CSMD1: variants seen among roughly 807,000 people sequenced by gnomAD.
CSMD1 encodes the protein CUB and Sushi multiple domains 1.
A neutral mutation model predicts 417.5 loss-of-function variants in CSMD1; 213 were observed. The observed-to-expected ratio is 0.51, with a 90% CI of 0.46 to 0.57. The LOEUF (loss-of-function observed/expected upper bound fraction) is 0.57. Among genes scored for constraint, CSMD1 ranks in the 20% least tolerant of loss-of-function variants. The probability of loss-of-function intolerance (pLI) is 0.00; values close to 1 mark genes in which losing one functional copy is unlikely to be tolerated. For missense variants in CSMD1, 6,923 were observed against 4,529.7 expected, an observed-to-expected ratio of 1.53 and a Z score of -15.17; for synonymous variants, 2,862 against 1,736.8, an observed-to-expected ratio of 1.65 and a Z score of -16.11.
At chr8:3,377,153 C>A (rs927108083) in intron 18 of CSMD1, among the ~76,000 whole-genome samples, 2 of 152,136 alleles carry the variant, frequency 1.3e-5, no homozygotes, top group Non-Finnish European at 2.9e-5. Context: ...GGACTATAGG[C>A]ACATGCCAAT....
intron 27 of CSMD1, among the ~76,000 whole-genome samples, chr8:3,227,982 G>C (rs1194543474): frequency 6.6e-6 from 1 of 152,024 alleles, no homozygotes; most frequent in East Asian, 1.9e-4. Context: ...TGCCCAGGCT[G>C]GTCTCAAACT....
chr8:4,834,337 A>G (rs1800330213), intron 1 of CSMD1, among the ~76,000 whole-genome samples: 2 of 152,210 alleles, frequency 1.3e-5, no homozygotes, highest in Non-Finnish European at 2.9e-5. Flanking sequence ...GATTTACTTG[A>G]TGGCAAGAAC....
At chr8:4,198,591 G>A (rs372419389) in intron 3 of CSMD1, among the ~76,000 whole-genome samples, 1 of 152,102 alleles carries the variant, frequency 6.6e-6, no homozygotes, top group Admixed American at 6.5e-5. Context: ...CAGCGCCTTT[G>A]ATTTTAACGT....
chr8:4,710,464 TTATA>T (rs10660998), intron 1 of CSMD1, among the ~76,000 whole-genome samples: 3 of 144,844 alleles, frequency 2.1e-5, no homozygotes, highest in Non-Finnish European at 4.5e-5. Context: ...TAATGGAATA[TTATA>T]TATATATATA....
rs1231447239 is a variant in CSMD1 at position 2,936,947 on chromosome 8, AT to A, written c.*1637del. On this transcript the variant is annotated 3_prime_UTR_variant, in exon 70 of 70. Transcript: ENST00000635120. ...TCTGACATTTCTATTACCAACGCCA[AT>A]CTAAAATGTGAAACAGAGAAAATCT... is the stretch of plus-strand genomic sequence containing the variant. 36 of 152,360 alleles carry A rather than the reference AT, an allele frequency of 2.4e-4. 1 individual carries two copies. The highest frequency in any genetic ancestry group is 8.4e-4 in the African/African-American group (35 of 41,582). 9.4% of individuals were successfully genotyped at this position (152,360 alleles called of 1,614,324 possible).
chr8:3,451,331 G>C (rs550871364), intron 12 of CSMD1, among the ~76,000 whole-genome samples: 1 of 152,098 alleles, frequency 6.6e-6, no homozygotes, highest in African/African-American at 2.4e-5. Context: ...TAGATCCCAT[G>C]TGTCAATTTT....
intron 5 of CSMD1, among the ~76,000 whole-genome samples, chr8:3,894,022 A>G (rs1335519154): frequency 6.6e-6 from 1 of 151,940 alleles, no homozygotes; most frequent in Non-Finnish European, 1.5e-5. Flanking sequence ...AAACTCCCAT[A>G]AAGGGAGTCT....
intron 5 of CSMD1, among the ~76,000 whole-genome samples, chr8:3,844,704 T>G (rs1267304495): frequency 6.6e-6 from 1 of 152,184 alleles, no homozygotes; most frequent in African/African-American, 2.4e-5. Flanking sequence ...CTCACTAGTT[T>G]TATTTCTGAT....
chr8:3,718,040 G>C (rs114806405), intron 6 of CSMD1, among the ~76,000 whole-genome samples: 3,842 of 152,196 alleles, frequency 0.025, 155 homozygotes, highest in African/African-American at 0.087. Context: ...CATTGTTTTA[G>C]TACATAAAAG....
In CSMD1 at chr8:3,262,185, ATATATATATATAT is replaced by A. The variant is rs1326772731; in HGVS notation, c.4153+21946_4153+21958del. On this transcript the variant is annotated intron_variant, in intron 26 of 69. Coordinates refer to ENST00000635120, the MANE Select transcript of CSMD1 (RefSeq NM_033225.6). ...TATTTCTAAAATTATGCTCATATGA[ATATATATATATAT>A]ATATATATATATATATATATATATA... 1.7e-4 allele frequency among the ~76,000 whole-genome samples: 8 copies of A among 46,318 alleles called. 1 individual carries two copies. Among genetic ancestry groups the A allele is most frequent in the African/African-American group, 7.4e-4 (7 of 9,504 alleles). 30.4% of individuals were successfully genotyped at this position (46,318 alleles called of 152,430 possible).
At chr8:3,219,848 T>G (rs188623647) in intron 28 of CSMD1, among the ~76,000 whole-genome samples, 1 of 152,168 alleles carries the variant, frequency 6.6e-6, no homozygotes, top group Non-Finnish European at 1.5e-5. Context: ...GTTTTGAAAA[T>G]ACTGGAATTT....
At chr8:4,167,718 A>T (rs1053353961) in intron 3 of CSMD1, among the ~76,000 whole-genome samples, 7 of 152,234 alleles carry the variant, frequency 4.6e-5, no homozygotes, top group African/African-American at 1.7e-4. Flanking sequence ...GGCTGGGTGC[A>T]GTGGTTCACA....
intron 1 of CSMD1, among the ~76,000 whole-genome samples, chr8:4,863,920 T>C (rs1397301272): frequency 6.8e-6 from 1 of 147,896 alleles, no homozygotes; most frequent in Non-Finnish European, 1.5e-5. Context: ...AGTGAAATGT[T>C]ATTTTTCTTC....
chr8:3,914,377 A>T (rs1457221445), intron 5 of CSMD1, among the ~76,000 whole-genome samples: 1 of 151,812 alleles, frequency 6.6e-6, no homozygotes, highest in Admixed American at 6.5e-5. Context: ...AGATGTAAAA[A>T]CATACGGGTA....
chr8:4,719,173 G>C (rs937358079), intron 1 of CSMD1, among the ~76,000 whole-genome samples: 2 of 152,132 alleles, frequency 1.3e-5, no homozygotes, highest in South Asian at 4.1e-4. Flanking sequence ...GTGAAAAAAA[G>C]ACTACACAGC....
intron 1 of CSMD1, among the ~76,000 whole-genome samples, chr8:4,801,112 A>C (rs144893136): frequency 0.011 from 1,710 of 152,306 alleles, 28 homozygotes; most frequent in African/African-American, 0.039. Context: ...TAAAGAAAAG[A>C]AAAATTGGTG....
intron 1 of CSMD1, among the ~76,000 whole-genome samples, chr8:4,907,503 C>T (rs1352798810): frequency 7.2e-6 from 1 of 139,844 alleles, no homozygotes; most frequent in East Asian, 2.1e-4. Flanking sequence ...TAACATCTTA[C>T]TAGAATTAAA....
intron 9 of CSMD1, among the ~76,000 whole-genome samples, chr8:3,585,742 T>C (rs945942611): frequency 5.3e-5 from 8 of 152,284 alleles, no homozygotes; most frequent in Non-Finnish European, 1.0e-4. Flanking sequence ...AATTAATACC[T>C]AAAAAATTCA....
intron 5 of CSMD1, among the ~76,000 whole-genome samples, chr8:3,824,847 C>G (rs529226092): frequency 2.0e-5 from 3 of 152,046 alleles, no homozygotes; most frequent in Non-Finnish European, 4.4e-5. Context: ...TAAAATGACA[C>G]AGGGTTTCAA....
Sources: allele counts gnomAD v4.1 joint callset (sites outside exome capture counted in the v4.1 genomes callset), GRCh38; gene constraint gnomAD v4.1.1; transcripts MANE v1.5; gene names NCBI Gene and HGNC (gene_info 2026-07-23, HGNC 2026-07-21).